SGCD: variants seen among roughly 807,000 people sequenced by gnomAD.
SGCD encodes the protein delta-sarcoglycan.
A neutral mutation model predicts 36.6 loss-of-function variants in SGCD; 18 were observed. The observed-to-expected ratio is 0.49, with a 90% CI of 0.34 to 0.73. SGCD has a LOEUF of 0.73. Ranked by LOEUF, SGCD falls within the 30% of genes least tolerant of loss-of-function variation. The pLI is 0.01. For missense variants in SGCD, 387 were observed against 346.7 expected (o/e 1.12, Z -0.92); for synonymous variants, 133 against 130.6 (o/e 1.02, Z -0.12).
chr5:156,021,699 C>T (rs937814623), intron 1 of SGCD, among the ~76,000 whole-genome samples: 8 of 151,916 alleles, frequency 5.3e-5, no homozygotes, highest in South Asian at 2.1e-4. Context: ...GTAGCGGAAA[C>T]GGTGGGAGGG....
intron 3 of SGCD, among the ~76,000 whole-genome samples, chr5:156,443,753 G>T (rs1310924876): frequency 1.3e-5 from 2 of 152,030 alleles, no homozygotes; most frequent in Non-Finnish European, 2.9e-5. Flanking sequence ...TAAAAATGAG[G>T]GGGTAATTTG....
chr5:156,116,696 T>C (rs1761913739), intron 1 of SGCD, among the ~76,000 whole-genome samples: 1 of 152,160 alleles, frequency 6.6e-6, no homozygotes, highest in African/African-American at 2.4e-5. Flanking sequence ...TGCTCTATAA[T>C]GTTACACAAG....
At chr5:156,212,454 T>C (rs565605761) in intron 3 of SGCD, among the ~76,000 whole-genome samples, 1 of 152,294 alleles carries the variant, frequency 6.6e-6, no homozygotes, top group South Asian at 2.1e-4. Context: ...TTATAATAAT[T>C]GTAAATATAT....
intron 3 of SGCD, among the ~76,000 whole-genome samples, chr5:156,125,792 A>C (rs1762155049): frequency 6.6e-6 from 1 of 150,604 alleles, no homozygotes; most frequent in Non-Finnish European, 1.5e-5. Context: ...AACATTCTAC[A>C]AAATTGATGT....
intron 3 of SGCD, among the ~76,000 whole-genome samples, chr5:156,384,415 T>C (rs879478971): frequency 5.9e-5 from 9 of 152,172 alleles, no homozygotes; most frequent in Non-Finnish European, 1.0e-4. Context: ...CCTTTCTTGT[T>C]CTGTAATGTG....
At position 156,154,893 on chromosome 5, in the gene SGCD, G is replaced by T. The variant is rs10078189; in HGVS notation, c.-44+30874G>T. Among the ~76,000 whole-genome samples, 399 of 151,584 alleles carry T rather than the reference G, an allele frequency of 2.6e-3. 18 individuals carry two copies. The highest frequency in any genetic ancestry group is 9.2e-3 in the African/African-American group (375 of 40,972). ...CCTGCAACATGCTGCTCCTTTTCCT[G>T]TTCCCTGACTTTTTACTGGACTCTG... On this transcript the variant is annotated intron_variant, in intron 3 of 9. Transcript: ENST00000517913.
intron 1 of SGCD, among the ~76,000 whole-genome samples, chr5:155,950,343 A>C (rs1024029981): frequency 1.3e-5 from 2 of 152,156 alleles, no homozygotes; most frequent in Non-Finnish European, 2.9e-5. Context: ...TGCCTTCACA[A>C]AAAGACTGAG....
the SGCD span, among the ~76,000 whole-genome samples, chr5:155,729,709 G>A: frequency 6.6e-6 from 1 of 152,172 alleles, no homozygotes; most frequent in Non-Finnish European, 1.5e-5. Context: ...TTCTAGGGGT[G>A]CATCTGAACA....
chr5:156,393,488 C>T (rs1771688944), intron 3 of SGCD, among the ~76,000 whole-genome samples: 1 of 152,210 alleles, frequency 6.6e-6, no homozygotes, highest in South Asian at 2.1e-4. Flanking sequence ...TTTCTTCCTA[C>T]ATTTATGGCT....
intron 1 of SGCD, among the ~76,000 whole-genome samples, chr5:156,009,423 G>C (rs1758815142): frequency 6.6e-6 from 1 of 152,060 alleles, no homozygotes; most frequent in Non-Finnish European, 1.5e-5. Flanking sequence ...GGCTCAGTGG[G>C]TTTTCTTACT....
chr5:156,031,960 A>G (rs80117011), intron 1 of SGCD, among the ~76,000 whole-genome samples: 1,774 of 152,324 alleles, frequency 0.012, 14 homozygotes, highest in African/African-American at 0.028. Flanking sequence ...TCATAGCCAT[A>G]GAGGAAAATT....
At chr5:156,003,789 C>T (rs1333434392) in intron 1 of SGCD, among the ~76,000 whole-genome samples, 1 of 152,042 alleles carries the variant, frequency 6.6e-6, no homozygotes, top group Non-Finnish European at 1.5e-5. Context: ...AAGTAATGAT[C>T]CTCAGGGCCC....
chr5:156,154,641 T>G lies in SGCD; in HGVS notation c.-44+30622T>G, dbSNP rs531432179. Among the ~76,000 whole-genome samples the G allele has an allele frequency of 4.7e-4, 72 of 151,690 alleles. 3 individuals carry two copies. Among genetic ancestry groups the G allele is most frequent in the African/African-American group, 1.7e-3 (68 of 40,982 alleles). The stretch of plus-strand genomic sequence containing the variant: ...ATTTGTGACTTTTCTTTGAGTATCA[T>G]AAGAACCATGGGAGACAAAAATTAT... On this transcript the variant is annotated intron_variant, in intron 3 of 9. Coordinates refer to the SGCD transcript ENST00000517913.
the SGCD span, among the ~76,000 whole-genome samples, chr5:155,757,867 C>G: frequency 6.6e-6 from 1 of 152,102 alleles, no homozygotes; most frequent in Admixed American, 6.6e-5. Context: ...AGGTCTTTCC[C>G]ATGCTGGCCT....
intron 3 of SGCD, among the ~76,000 whole-genome samples, chr5:156,311,609 C>T (rs1767392020): frequency 6.6e-6 from 1 of 152,160 alleles, no homozygotes; most frequent in Non-Finnish European, 1.5e-5. Flanking sequence ...GGGATCTACA[C>T]AGAGGAGGGG....
At chr5:156,377,844 A>G (rs879820963) in intron 3 of SGCD, among the ~76,000 whole-genome samples, 6 of 152,208 alleles carry the variant, frequency 3.9e-5, no homozygotes, top group Admixed American at 1.3e-4. Flanking sequence ...GATCTCATGA[A>G]TATGAAATCT....
rs193087679 is a variant in SGCD, at chr5:156,221,866, A to T, written c.-44+97847A>T. Among the ~76,000 whole-genome samples the T allele has an allele frequency of 2.2e-4, 33 of 152,204 alleles. No individual in the cohort carries two copies. In the South Asian group the frequency reaches 3.3e-3, roughly 15 times the overall value. On this transcript the variant is annotated intron_variant, in intron 3 of 9. Transcript: ENST00000517913. ...GAAAACTTAAGTTTCAAAGAGGTTA[A>T]ATAACTTGCTGAGGATTTGCAACTA...
chr5:155,757,874 G>C, the SGCD span, among the ~76,000 whole-genome samples: 1 of 152,108 alleles, frequency 6.6e-6, no homozygotes, highest in Non-Finnish European at 1.5e-5. Context: ...TCCCATGCTG[G>C]CCTTGTGATA....
intron 6 of SGCD, among the ~76,000 whole-genome samples, chr5:156,605,690 C>T (rs1761410008): frequency 6.6e-6 from 1 of 152,210 alleles, no homozygotes; most frequent in African/African-American, 2.4e-5. Context: ...TCCTATTTCT[C>T]CACATCCTCT....
Sources: gnomAD v4.1 joint callset for allele counts (sites outside exome capture counted in the v4.1 genomes callset) on GRCh38, gnomAD v4.1.1 for gene constraint, MANE v1.5 for transcripts, NCBI Gene and HGNC (gene_info 2026-07-23, HGNC 2026-07-21) for gene names.